Variants in ZNF385D observed in about 807,000 individuals in gnomAD.
ZNF385D encodes the protein zinc finger protein 659.
Under a neutral mutation model 35.8 loss-of-function variants are expected in ZNF385D, and 15 were observed. That is an observed-to-expected ratio of 0.42 (90% CI 0.28 to 0.64). ZNF385D has a LOEUF of 0.64. Among genes scored for constraint, ZNF385D ranks in the 30% least tolerant of loss-of-function variants. The probability of loss-of-function intolerance (pLI) is 0.23; values close to 1 mark genes in which losing one functional copy is unlikely to be tolerated. For synonymous variants in ZNF385D, 212 were observed against 186.8 expected (o/e 1.13, Z -1.10); for missense variants, 474 against 494.6 (o/e 0.96, Z 0.39).
At chr3:22,015,565 C>T (rs1475977655) in intron 3 of ZNF385D, among the ~76,000 whole-genome samples, 1 of 152,054 alleles carries the variant, frequency 6.6e-6, no homozygotes, top group African/African-American at 2.4e-5. Context: ...TAGTCTGGCA[C>T]CCTTGTACCC....
chr3:21,430,535 C>T (rs1489283280), intron 5 of ZNF385D, among the ~76,000 whole-genome samples: 3 of 152,094 alleles, frequency 2.0e-5, no homozygotes, highest in Non-Finnish European at 4.4e-5. Flanking sequence ...CATGGCTTAT[C>T]TGATAGTGGA....
At chr3:21,510,768 C>A in intron 4 of ZNF385D, 93 bp downstream of exon 4, 2 of 1,484,132 alleles carry the variant, frequency 1.3e-6, no homozygotes, top group South Asian at 1.2e-5. Flanking sequence ...ATCAATATGG[C>A]AGGCACATAA....
intron 3 of ZNF385D, among the ~76,000 whole-genome samples, chr3:21,774,464 G>T (rs139404573): frequency 6.6e-6 from 1 of 151,874 alleles, no homozygotes; most frequent in Admixed American, 6.6e-5. Context: ...AACAAAACAG[G>T]AGTCAAATGA....
intron 1 of ZNF385D, among the ~76,000 whole-genome samples, chr3:21,710,351 T>C (rs986548499): frequency 6.6e-6 from 1 of 152,204 alleles, no homozygotes; most frequent in Admixed American, 6.5e-5. Context: ...GACCCAATGA[T>C]CTGGTGAGAC....
chr3:21,621,328 G>A (rs571227585), intron 2 of ZNF385D, among the ~76,000 whole-genome samples: 2 of 152,180 alleles, frequency 1.3e-5, no homozygotes, highest in African/African-American at 4.8e-5. Context: ...GCTGTCGCTG[G>A]CAATCTTTAG....
At chr3:22,286,630 A>AT (rs1249245810) in intron 2 of ZNF385D, among the ~76,000 whole-genome samples, 4 of 152,012 alleles carry the variant, frequency 2.6e-5, no homozygotes, top group Non-Finnish European at 5.9e-5. Flanking sequence ...CAATTTCCCT[A>AT]TTACTTTCTT....
chr3:22,009,153 C>T (rs1024667780), intron 3 of ZNF385D, among the ~76,000 whole-genome samples: 21 of 152,146 alleles, frequency 1.4e-4, no homozygotes, highest in Non-Finnish European at 2.4e-4. Context: ...TCAAACCTAG[C>T]AATATCCAGT....
chr3:21,585,221 A>G (rs2063776535), intron 2 of ZNF385D, among the ~76,000 whole-genome samples: 1 of 152,202 alleles, frequency 6.6e-6, no homozygotes, highest in Admixed American at 6.5e-5. Flanking sequence ...ATAAAAAACT[A>G]TTCCATTTAA....
intron 2 of ZNF385D, among the ~76,000 whole-genome samples, chr3:22,351,352 A>C (rs1178428241): frequency 6.6e-6 from 1 of 152,118 alleles, no homozygotes; most frequent in Non-Finnish European, 1.5e-5. Context: ...TATTTAATTT[A>C]GAACTTTCTG....
At chr3:22,092,749 G>A (rs11129042) in intron 3 of ZNF385D, among the ~76,000 whole-genome samples, 1 of 151,810 alleles carries the variant, frequency 6.6e-6, no homozygotes, top group Non-Finnish European at 1.5e-5. Context: ...ATTACTGTCT[G>A]GTAACCTTAA....
chr3:22,360,481 G>T (rs897525151), intron 2 of ZNF385D, among the ~76,000 whole-genome samples: 8 of 151,800 alleles, frequency 5.3e-5, no homozygotes, highest in African/African-American at 1.9e-4. Flanking sequence ...GTTCCACTCT[G>T]TTTTCTATAT....
chr3:21,932,803 A>T (rs1298886636), intron 3 of ZNF385D, among the ~76,000 whole-genome samples: 1 of 152,206 alleles, frequency 6.6e-6, no homozygotes, highest in East Asian at 1.9e-4. Flanking sequence ...AAAACAGCAT[A>T]GAAACATTTT....
chr3:21,712,260 A>G (rs996840322), intron 1 of ZNF385D, among the ~76,000 whole-genome samples: 6 of 152,152 alleles, frequency 3.9e-5, no homozygotes, highest in Non-Finnish European at 5.9e-5. Context: ...GTACACGTCT[A>G]CTTCTAAGCC....
chr3:21,839,905 C>G (rs373431225), intron 3 of ZNF385D, among the ~76,000 whole-genome samples: 3 of 151,952 alleles, frequency 2.0e-5, no homozygotes, highest in Non-Finnish European at 4.4e-5. Flanking sequence ...ACCTAAAGAC[C>G]GAGAGCGCAC....
intron 3 of ZNF385D, among the ~76,000 whole-genome samples, chr3:21,994,466 C>G (rs987601729): frequency 6.6e-6 from 1 of 151,916 alleles, no homozygotes; most frequent in African/African-American, 2.4e-5. Context: ...TGTTGTTTAT[C>G]TGTATTCTAT....
intron 3 of ZNF385D, among the ~76,000 whole-genome samples, chr3:21,930,755 A>G (rs1179098811): frequency 1.3e-5 from 2 of 152,132 alleles, no homozygotes; most frequent in Non-Finnish European, 2.9e-5. Context: ...TTGTGCTAAT[A>G]AGATGCCCAT....
intron 4 of ZNF385D, among the ~76,000 whole-genome samples, chr3:21,497,552 T>A (rs981742204): frequency 7.2e-5 from 11 of 152,250 alleles, no homozygotes; most frequent in African/African-American, 2.4e-4. Flanking sequence ...AAATTTTTTT[T>A]AAATTCATAT....
intron 2 of ZNF385D, chr3:22,372,343 G>A (rs1696949309): frequency 1.5e-6 from 1 of 687,684 alleles, no homozygotes; most frequent in Non-Finnish European, 1.8e-6. Flanking sequence ...GCGAGCCCCA[G>A]CCCCTCGCGC....
intron 1 of ZNF385D, among the ~76,000 whole-genome samples, chr3:21,674,893 G>C (rs1284866934): frequency 6.8e-6 from 1 of 146,022 alleles, no homozygotes; most frequent in Non-Finnish European, 1.5e-5. Context: ...TATTGTTTTA[G>C]AAATGGATGG....
Sources: gnomAD v4.1 joint callset for allele counts (sites outside exome capture counted in the v4.1 genomes callset) on GRCh38, gnomAD v4.1.1 for gene constraint, MANE v1.5 for transcripts, NCBI Gene and HGNC (gene_info 2026-07-23, HGNC 2026-07-21) for gene names.